The following GRIK1 variants were observed in gnomAD, a reference collection of about 807,000 sequenced individuals.
GRIK1 encodes the protein glutamate receptor ionotropic, kainate 1.
A neutral mutation model predicts 105.7 loss-of-function variants in GRIK1; 69 were observed. The ratio of observed to expected loss-of-function variants is 0.65; its 90% CI spans 0.54 to 0.80. The LOEUF (loss-of-function observed/expected upper bound fraction) is 0.80. GRIK1 is among the 30% of genes least tolerant of loss of function. The pLI is 0.00. For synonymous variants in GRIK1, 438 were observed against 431.3 expected (o/e 1.02, Z -0.19); for missense variants, 1,109 against 1,167.3 (o/e 0.95, Z 0.73).
At chr21:29,925,073 T>C (rs191341715) in intron 1 of GRIK1, among the ~76,000 whole-genome samples, 1 of 152,342 alleles carries the variant, frequency 6.6e-6, no homozygotes, top group Admixed American at 6.5e-5. Flanking sequence ...TGTAGAAGTG[T>C]TCTTATTACT....
At chr21:29,806,981 C>G (rs1391854899) in intron 1 of GRIK1, among the ~76,000 whole-genome samples, 1 of 152,150 alleles carries the variant, frequency 6.6e-6, no homozygotes, top group African/African-American at 2.4e-5. Context: ...TAGCCCTTGT[C>G]TTTTCTCATT....
intron 1 of GRIK1, among the ~76,000 whole-genome samples, chr21:29,880,376 G>T (rs1157139014): frequency 2.0e-4 from 30 of 152,044 alleles, no homozygotes; most frequent in Non-Finnish European, 4.4e-5. Context: ...TAAGAAAAAT[G>T]GTCTGGCAAG....
At chr21:29,545,749 C>T (rs1231052073) in intron 16 of GRIK1, among the ~76,000 whole-genome samples, 1 of 152,004 alleles carries the variant, frequency 6.6e-6, no homozygotes, top group Non-Finnish European at 1.5e-5. Context: ...TTTCGGGGTA[C>T]CAGTTTATGC....
At chr21:29,624,479 C>T (rs974924037) in intron 7 of GRIK1, among the ~76,000 whole-genome samples, 1 of 152,072 alleles carries the variant, frequency 6.6e-6, no homozygotes, top group East Asian at 1.9e-4. Context: ...AATTTTAAAG[C>T]TGTATTTAAT....
chr21:29,780,049 A>G (rs2066051092), intron 1 of GRIK1, among the ~76,000 whole-genome samples: 1 of 152,174 alleles, frequency 6.6e-6, no homozygotes, highest in African/African-American at 2.4e-5. Context: ...TATGACCTTA[A>G]ATTTACTCAT....
chr21:29,687,647 T>A (rs1423767921), intron 3 of GRIK1, among the ~76,000 whole-genome samples: 1 of 152,228 alleles, frequency 6.6e-6, no homozygotes, highest in Non-Finnish European at 1.5e-5. Flanking sequence ...GAAAAGGACA[T>A]TTCAGTTTCT....
chr21:29,872,343 G>A (rs559198103), intron 1 of GRIK1, among the ~76,000 whole-genome samples: 95 of 152,030 alleles, frequency 6.2e-4, no homozygotes, highest in African/African-American at 2.1e-3. Context: ...ACAGGAGCCC[G>A]CCATGACGCC....
intron 1 of GRIK1, among the ~76,000 whole-genome samples, chr21:29,739,850 A>T (rs2064882650): frequency 6.6e-6 from 1 of 152,026 alleles, no homozygotes; most frequent in Non-Finnish European, 1.5e-5. Context: ...GTTGTTTTTC[A>T]CTCTTTTTAT....
chr21:29,614,293 TC>T (rs1286755709), intron 7 of GRIK1, among the ~76,000 whole-genome samples: 2 of 152,178 alleles, frequency 1.3e-5, no homozygotes, highest in African/African-American at 4.8e-5. Context: ...TTCCAGTGTT[TC>T]AGCATGGCAA....
chr21:29,810,989 T>A (rs980792637), intron 1 of GRIK1, among the ~76,000 whole-genome samples: 1 of 152,126 alleles, frequency 6.6e-6, no homozygotes, highest in African/African-American at 2.4e-5. Context: ...ACCCTTCATG[T>A]TCCCCCTGAG....
intron 1 of GRIK1, among the ~76,000 whole-genome samples, chr21:29,796,867 T>C (rs1020226007): frequency 6.6e-6 from 1 of 151,948 alleles, no homozygotes; most frequent in Admixed American, 6.6e-5. Flanking sequence ...GAGAATCACT[T>C]GAACTGGGGA....
chr21:29,841,319 G>T, intron 1 of GRIK1, among the ~76,000 whole-genome samples: 1 of 152,108 alleles, frequency 6.6e-6, no homozygotes, highest in East Asian at 1.9e-4. Context: ...GTCTAAGCTT[G>T]TCTATGGCTT....
At chr21:29,865,478 A>G (rs1450270675) in intron 1 of GRIK1, among the ~76,000 whole-genome samples, 6 of 152,276 alleles carry the variant, frequency 3.9e-5, no homozygotes, top group Admixed American at 3.9e-4. Context: ...AGTAATAATC[A>G]GCTCTGCTAG....
intron 1 of GRIK1, among the ~76,000 whole-genome samples, chr21:29,883,230 C>T (rs185202927): frequency 5.3e-4 from 80 of 152,182 alleles, no homozygotes; most frequent in Admixed American, 3.2e-3. Context: ...TTCTAGTTAT[C>T]TAACTTTCAG....
At chr21:29,904,220 A>G (rs922460248) in intron 1 of GRIK1, among the ~76,000 whole-genome samples, 3 of 152,144 alleles carry the variant, frequency 2.0e-5, no homozygotes, top group Non-Finnish European at 4.4e-5. Flanking sequence ...GTGTATACCT[A>G]TGTAACAAAA....
In GRIK1 at chr21:29,689,871, C is replaced by A; in HGVS notation, c.401G>T (p.Arg134Leu). 1 of 1,613,824 alleles carries A rather than the reference C, an allele frequency of 6.2e-7. No homozygotes were observed. The highest frequency in any genetic ancestry group is 1.1e-5 in the South Asian group (1 of 91,056). Residue 134 changes from arginine (R) to leucine (L), a missense_variant, in exon 3 of 18, where the codon CGC becomes CTC. Coordinates refer to ENST00000327783, the MANE Select transcript of GRIK1 (RefSeq NM_001330994.2). Reference protein sequence around the residue: ...NALEVPHIQTRWKHPSVDNKD... With the variant: ...NALEVPHIQTLWKHPSVDNKD... ...GTTGTCCACCGAGGGGTGTTTCCAGCGGGTCTGTATGTGTGGAACTTCGAG... is the reference window on the plus strand; with the variant it reads ...GTTGTCCACCGAGGGGTGTTTCCAGAGGGTCTGTATGTGTGGAACTTCGAG...
chr21:29,814,900 C>T (rs569124384), intron 1 of GRIK1, among the ~76,000 whole-genome samples: 2 of 152,198 alleles, frequency 1.3e-5, no homozygotes, highest in South Asian at 4.2e-4. Context: ...AGTCTTGTTT[C>T]AAAGCTAGCT....
At chr21:29,907,995 C>A (rs2070702036) in intron 1 of GRIK1, among the ~76,000 whole-genome samples, 1 of 152,014 alleles carries the variant, frequency 6.6e-6, no homozygotes, top group South Asian at 2.1e-4. Context: ...GATGTAGAAT[C>A]TTCATCTATA....
At chr21:29,627,515 C>T (rs1310597113) in intron 7 of GRIK1, among the ~76,000 whole-genome samples, 2 of 152,160 alleles carry the variant, frequency 1.3e-5, no homozygotes, top group Non-Finnish European at 2.9e-5. Context: ...CCCATTGTCC[C>T]TTTTTCTCTC....
Sources: gnomAD v4.1 joint callset for allele counts (sites outside exome capture counted in the v4.1 genomes callset) on GRCh38, gnomAD v4.1.1 for gene constraint, MANE v1.5 for transcripts, NCBI Gene and HGNC (gene_info 2026-07-23, HGNC 2026-07-21) for gene names.